Variants in GLYR1 observed in about 807,000 individuals in gnomAD.
The protein encoded by GLYR1 is glyoxylate reductase 1 homolog, also known as cytokine-like nuclear factor N-PAC.
GLYR1 carries 21 observed loss-of-function variants against 72.7 expected under a neutral mutation model. The observed-to-expected ratio is 0.29, with a 90% CI of 0.20 to 0.42. The LOEUF (loss-of-function observed/expected upper bound fraction) is 0.42, where lower values mean the gene tolerates loss of function less well. GLYR1 is among the 10% of genes least tolerant of loss of function. The pLI, the probability that GLYR1 is intolerant of heterozygous loss-of-function variation, is 1.00. For synonymous variants in GLYR1, 392 were observed against 270.2 expected, an observed-to-expected ratio of 1.45 and a Z score of -4.42; for missense variants, 594 against 712.1, an observed-to-expected ratio of 0.83 and a Z score of 1.89.
intron 3 of GLYR1, among the ~76,000 whole-genome samples, 171 bp downstream of exon 3, chr16:4,844,896 TAGGGCAA>T: frequency 6.6e-6 from 1 of 152,258 alleles, no homozygotes; most frequent in Admixed American, 6.5e-5. Flanking sequence ...GACAGTTGTC[TAGGGCAA>T]TTTCTGCAAG....
rs187454927 is a variant in GLYR1 at position 4,828,392 on chromosome 16, C to G, written c.537+3587G>C. ...CAAAGGTATGTACATTTTAAAAAGA[C>G]ATATTGCTATTGTACCACTTAATAG... On this transcript the variant is annotated intron_variant, in intron 5 of 15. Transcript: ENST00000321919. Among the ~76,000 whole-genome samples the G allele has an allele frequency of 7.9e-5, 12 of 152,198 alleles. No homozygotes were observed. In the East Asian group the frequency reaches 2.3e-3, roughly 29 times the overall value.
At chr16:4,818,351 G>C (rs2083787557) in intron 9 of GLYR1, among the ~76,000 whole-genome samples, 1 of 152,132 alleles carries the variant, frequency 6.6e-6, no homozygotes, top group African/African-American at 2.4e-5. Context: ...CTGCAGTGTA[G>C]TGGTGCAATC....
intron 1 of GLYR1, 146 bp downstream of exon 1, chr16:4,847,082 G>T: frequency 4.0e-6 from 3 of 753,870 alleles, no homozygotes; most frequent in East Asian, 2.8e-5. Flanking sequence ...TCCGCCTGGC[G>T]CCGCTCGCAA....
At chr16:4,827,894 C>T (rs1486301149) in intron 5 of GLYR1, among the ~76,000 whole-genome samples, 1 of 151,626 alleles carries the variant, frequency 6.6e-6, no homozygotes. Context: ...CACGAGACTC[C>T]GTCTCAAAAA....
chr16:4,830,221 CTT>C (rs35409655), intron 5 of GLYR1, among the ~76,000 whole-genome samples: 85 of 123,462 alleles, frequency 6.9e-4, no homozygotes, highest in Admixed American at 7.6e-4. Context: ...CCAACTTTGT[CTT>C]TTTTTTTTTT....
intron 9 of GLYR1, chr16:4,817,939 C>T (rs1038313508): frequency 2.1e-6 from 1 of 470,040 alleles, no homozygotes; most frequent in Non-Finnish European, 3.9e-6. Context: ...CTGACTGTCA[C>T]AGAAAAAAGT....
At chr16:4,823,197 G>A (rs2084153091) in intron 6 of GLYR1, among the ~76,000 whole-genome samples, 1 of 152,202 alleles carries the variant, frequency 6.6e-6, no homozygotes, top group Admixed American at 6.5e-5. Flanking sequence ...TGAGCCTGTG[G>A]GAAAATATTA....
At chr16:4,806,846 G>A (rs2083011709) in intron 15 of GLYR1, among the ~76,000 whole-genome samples, 1 of 149,628 alleles carries the variant, frequency 6.7e-6, no homozygotes, top group Non-Finnish European at 1.5e-5. Flanking sequence ...CTGTCGCCCA[G>A]ACTGGAGTGC....
chr16:4,817,286 A>AT (rs1478410832), intron 10 of GLYR1, among the ~76,000 whole-genome samples: 1 of 151,456 alleles, frequency 6.6e-6, no homozygotes, highest in East Asian at 2.0e-4. Flanking sequence ...CGCCCGGCTA[A>AT]TTTTTTGTAT....
At chr16:4,834,700 C>T (rs1325943657) in intron 3 of GLYR1, among the ~76,000 whole-genome samples, 1 of 151,888 alleles carries the variant, frequency 6.6e-6, no homozygotes, top group African/African-American at 2.4e-5. Context: ...TTCTGGCCTC[C>T]AGTGATCCAC....
intron 3 of GLYR1, among the ~76,000 whole-genome samples, chr16:4,843,185 G>A (rs2085690024): frequency 6.6e-6 from 1 of 152,078 alleles, no homozygotes; most frequent in Middle Eastern, 3.2e-3. Context: ...TTTCTTTTCT[G>A]AGACATAGTC....
intron 3 of GLYR1, among the ~76,000 whole-genome samples, chr16:4,834,295 CTTTTT>C (rs778256795): frequency 1.7e-4 from 20 of 118,350 alleles, no homozygotes; most frequent in African/African-American, 6.7e-4. Context: ...AGGCAAATTC[CTTTTT>C]TTTTTTTTTT....
At chr16:4,811,124 A>C (rs1245153027) in intron 15 of GLYR1, 46 bp downstream of exon 15, 1 of 1,571,834 alleles carries the variant, frequency 6.4e-7, no homozygotes, top group Non-Finnish European at 8.6e-7. Context: ...AAAAAGAAAG[A>C]AAAAGAAACT....
chr16:4,806,175 G>C (rs1487241090), intron 15 of GLYR1, among the ~76,000 whole-genome samples: 1 of 152,132 alleles, frequency 6.6e-6, no homozygotes, highest in Admixed American at 6.6e-5. Flanking sequence ...TATGTCACTG[G>C]CGTCTGGTGG....
At chr16:4,823,507 A>C (rs1482189820) in intron 6 of GLYR1, among the ~76,000 whole-genome samples, 1 of 152,174 alleles carries the variant, frequency 6.6e-6, no homozygotes, top group Non-Finnish European at 1.5e-5. Context: ...TATTAGGGGA[A>C]AAAAACTTGT....
At chr16:4,817,498 T>C in intron 10 of GLYR1, 100 bp downstream of exon 10, 1 of 719,228 alleles carries the variant, frequency 1.4e-6, no homozygotes, top group Non-Finnish European at 2.5e-6. Context: ...TGGCTTCTAT[T>C]CTATTGCACG....
chr16:4,829,726 G>A lies in GLYR1; in HGVS notation c.537+2253C>T, dbSNP rs57703362. ...CTCACTCTGTCGCCCAGGCTGGAGT[G>A]CAGTGGCGCAATCTCGGCTCACTGC... On this transcript the variant is annotated intron_variant, in intron 5 of 15. Transcript: ENST00000321919. Among the ~76,000 whole-genome samples the A allele has an allele frequency of 2.4e-3, 358 of 151,958 alleles. 2 individuals carry two copies. Among genetic ancestry groups the A allele is most frequent in the African/African-American group, 8.1e-3 (334 of 41,418 alleles).
At chr16:4,839,743 C>G (rs1334963696) in intron 3 of GLYR1, 2 of 152,170 alleles carry the variant, frequency 1.3e-5, no homozygotes, top group Non-Finnish European at 2.9e-5. Context: ...AGAGAAAAAT[C>G]AGGTTTCTAA....
chr16:4,840,948 C>T (rs1003483376), intron 3 of GLYR1, among the ~76,000 whole-genome samples: 1 of 152,212 alleles, frequency 6.6e-6, no homozygotes, highest in Non-Finnish European at 1.5e-5. Context: ...TACTGTACAT[C>T]TTTACCCTTT....
Sources: gnomAD v4.1 joint callset for allele counts (sites outside exome capture counted in the v4.1 genomes callset) on GRCh38, gnomAD v4.1.1 for gene constraint, MANE v1.5 for transcripts, NCBI Gene and HGNC (gene_info 2026-07-23, HGNC 2026-07-21) for gene names.